Variants in PTPRQ observed in about 807,000 individuals in gnomAD.
PTPRQ encodes the protein phosphatidylinositol phosphatase PTPRQ.
PTPRQ carries 199 observed loss-of-function variants against 246.0 expected under a neutral mutation model. The observed-to-expected ratio is 0.81, with a 90% confidence interval of 0.72 to 0.91. The LOEUF (loss-of-function observed/expected upper bound fraction) is 0.91, where lower values mean the gene tolerates loss of function less well. PTPRQ is among the 40% of genes least tolerant of loss of function. The probability of loss-of-function intolerance (pLI) is 0.00; values close to 1 mark genes in which losing one functional copy is unlikely to be tolerated. For missense variants in PTPRQ, 2,624 were observed against 2,528.4 expected (o/e 1.04, Z -0.81); for synonymous variants, 869 against 853.2 (o/e 1.02, Z -0.32).
At chr12:80,549,278 A>G (rs1896397530) in intron 24 of PTPRQ, among the ~76,000 whole-genome samples, 187 bp from the exon 25 acceptor site, 1 of 152,138 alleles carries the variant, frequency 6.6e-6, no homozygotes, top group East Asian at 1.9e-4. Context: ...ACAATAGCAT[A>G]AAAAGCAAGT....
intron 26 of PTPRQ, among the ~76,000 whole-genome samples, chr12:80,597,262 G>T (rs1202497215): frequency 6.6e-6 from 1 of 151,946 alleles, no homozygotes; most frequent in Non-Finnish European, 1.5e-5. Flanking sequence ...GAAGAAAATA[G>T]CAAGATTTAT....
intron 34 of PTPRQ, among the ~76,000 whole-genome samples, chr12:80,633,333 A>T (rs1053897085): frequency 2.6e-5 from 4 of 152,214 alleles, no homozygotes; most frequent in Non-Finnish European, 4.4e-5. Flanking sequence ...GCTTCCTTAT[A>T]TGGTAGACCC....
intron 14 of PTPRQ, among the ~76,000 whole-genome samples, chr12:80,499,367 T>A (rs1465242496): frequency 1.3e-5 from 2 of 151,976 alleles, no homozygotes. Context: ...GAATCTACAT[T>A]AGTGACTTTT....
intron 35 of PTPRQ, among the ~76,000 whole-genome samples, chr12:80,648,046 A>G (rs894114787): frequency 2.0e-5 from 3 of 151,664 alleles, no homozygotes; most frequent in Non-Finnish European, 4.4e-5. Context: ...GACCATTTTC[A>G]TATTTATTAT....
At chr12:80,533,533 T>G (rs1354582602) in intron 17 of PTPRQ, among the ~76,000 whole-genome samples, 2 of 152,040 alleles carry the variant, frequency 1.3e-5, no homozygotes, top group Non-Finnish European at 2.9e-5. Flanking sequence ...ATTTTACATA[T>G]CACTATTTAG....
rs993112094 is a variant in PTPRQ, at chr12:80,678,502, T to G, written c.6739-100T>G. 163 of 1,298,870 alleles carry G rather than the reference T, an allele frequency of 1.3e-4. No individual in the cohort carries two copies. In the Admixed American group the frequency reaches 2.0e-3, roughly 16 times the overall value. The allele number at this position is 1,298,870 out of a possible 1,614,324, so 80.5% of individuals were successfully genotyped here. On this transcript the variant is annotated intron_variant, in intron 43 of 44. Coordinates refer to ENST00000644991, the MANE Select transcript of PTPRQ (RefSeq NM_001145026.2). ...TCTGTGTCTGTAACTTAGCTATTTA[T>G]TTGATGAATTCAGTACTGCTTTTAG...
chr12:80,670,598 C>T, intron 42 of PTPRQ, 106 bp downstream of exon 42: 1 of 1,376,098 alleles, frequency 7.3e-7, no homozygotes, highest in Non-Finnish European at 9.5e-7. Context: ...TTCCAGCTTG[C>T]CGTCTTCAGA....
At chr12:80,668,724 C>T (rs1258064919) in intron 39 of PTPRQ, among the ~76,000 whole-genome samples, 2 of 151,806 alleles carry the variant, frequency 1.3e-5, no homozygotes, top group Admixed American at 6.6e-5. Flanking sequence ...GACTTAAGAC[C>T]TTTATTAAGT....
intron 33 of PTPRQ, among the ~76,000 whole-genome samples, chr12:80,629,883 G>A (rs1396121016): frequency 6.6e-6 from 1 of 152,118 alleles, no homozygotes; most frequent in Non-Finnish European, 1.5e-5. Context: ...ATGGTGTCAT[G>A]AACCCCCAAA....
chr12:80,539,798 C>T lies in PTPRQ; in HGVS notation c.3008C>T (p.Thr1003Ile), dbSNP rs1565773573. The change falls in exon 20 of 45, where the codon ACC becomes ATC. Residue 1003 changes from threonine (T) to isoleucine (I), a missense_variant. Coordinates refer to ENST00000644991, the MANE Select transcript of PTPRQ (RefSeq NM_001145026.2). ...CAGAATTTTACACTCCATGAAGTAA[C>T]CAATGACTTTGACAATATGACTGTA... The part of the protein sequence containing the change: ...FMQNFTLHEV[T>I]NDFDNMTVST... 2.6e-6 allele frequency: 4 copies of T among 1,545,956 alleles called. No individual in the cohort carries two copies. The highest frequency in any genetic ancestry group is 4.0e-5 in the Admixed American group (2 of 49,994).
rs1900877752 is a variant in PTPRQ at position 80,669,017 on chromosome 12, GT to G, written c.6204del (p.Pro2069GlnfsTer30). Reference protein sequence around the residue: ...INASYISGYLCPNEFIATQGP... With the variant: ...INASYISGYLXPNEFIATQGP... ...ATTATATCCTTCTAGGGTTATTTAT[GT>G]CCAAATGAATTTATTGCTACTCAAG... On this transcript the variant is annotated frameshift_variant, in exon 40 of 45. Transcript: ENST00000644991. LOFTEE classifies it high-confidence loss of function. 1 of 1,549,472 alleles carries G rather than the reference GT, an allele frequency of 6.5e-7. No individual in the cohort carries two copies. Among genetic ancestry groups the G allele is most frequent in the Non-Finnish European group, 8.7e-7 (1 of 1,145,592 alleles).
At chr12:80,542,039 T>A (rs570799034) in intron 21 of PTPRQ, 50 bp from the exon 22 acceptor site, 41 of 1,511,502 alleles carry the variant, frequency 2.7e-5, no homozygotes, top group African/African-American at 2.0e-4. Flanking sequence ...CCTCTTTTTT[T>A]AATGCTGATT....
chr12:80,602,835 A>G (rs991355338), intron 26 of PTPRQ, among the ~76,000 whole-genome samples: 1 of 151,788 alleles, frequency 6.6e-6, no homozygotes, highest in Non-Finnish European at 1.5e-5. Flanking sequence ...TATACTGCCC[A>G]TATTTATACC....
At position 80,648,298 on chromosome 12, in the gene PTPRQ, A is replaced by C. The variant is rs187030343; in HGVS notation, c.5916-599A>C. Among the ~76,000 whole-genome samples the C allele has an allele frequency of 6.4e-4, 97 of 152,054 alleles. No homozygotes were observed. In the East Asian group the frequency reaches 0.013, roughly 21 times the overall value. Reference sequence around the variant, plus strand: ...GTTATTAATGATACGCCCCTCTCTAAGTTTGTGTATGTTGTGTAGCCTATT... The same window carrying C: ...GTTATTAATGATACGCCCCTCTCTACGTTTGTGTATGTTGTGTAGCCTATT... On this transcript the variant is annotated intron_variant, in intron 35 of 44. Transcript: ENST00000644991.
Position 80,514,402 on chromosome 12 carries a change from A to ACACACACACACACACTCT in PTPRQ, c.2678+3960_2678+3961insACACACACACACACTCTC, listed in dbSNP as rs552667526. ...CACACACACACACACACACACACAC[A>ACACACACACACACACTCT]CTCTCTCTCTCTCTCTCTGCTTTAA... On this transcript the variant is annotated intron_variant, in intron 17 of 44. Transcript: ENST00000644991. Among the ~76,000 whole-genome samples, 242 of 112,986 alleles carry ACACACACACACACACTCT rather than the reference A, an allele frequency of 2.1e-3. 1 individual carries two copies. The South Asian group carries it at 0.03, about 14-fold the overall frequency. The allele number at this position is 112,986 out of a possible 152,430, so 74.1% of individuals were successfully genotyped here.
intron 25 of PTPRQ, among the ~76,000 whole-genome samples, chr12:80,569,594 T>G (rs917000222): frequency 6.9e-6 from 1 of 145,368 alleles, no homozygotes; most frequent in African/African-American, 2.5e-5. Flanking sequence ...AAAAATTTGA[T>G]TTTTTTTTTT....
At chr12:80,479,700 G>A (rs7959135) in intron 8 of PTPRQ, among the ~76,000 whole-genome samples, 28,847 of 129,992 alleles carry the variant, frequency 0.22, 4,273 homozygotes, top group African/African-American at 0.44. Flanking sequence ...AGCAAATGGA[G>A]AACAAAAAAA....
intron 37 of PTPRQ, among the ~76,000 whole-genome samples, chr12:80,652,427 G>A (rs1900286973): frequency 6.6e-6 from 1 of 151,990 alleles, no homozygotes; most frequent in African/African-American, 2.4e-5. Context: ...TTAAACAATA[G>A]TGTGTACCTG....
chr12:80,546,632 C>A lies in PTPRQ; in HGVS notation c.3950C>A (p.Ala1317Glu). The A allele has an allele frequency of 4.5e-6, 7 of 1,551,354 alleles. No homozygotes were observed. The highest frequency in any genetic ancestry group is 5.2e-6 in the Non-Finnish European group (6 of 1,146,830). Residue 1317 changes from alanine (A) to glutamate (E), a missense_variant, in exon 24 of 45, where the codon GCG (alanine) becomes GAG (glutamate). Transcript: ENST00000644991. The part of the protein sequence containing the change: ...PVSTYSIRVS[A>E]FTKVGNGNQF... ...AGCACCTACTCTATCCGTGTATCTG[C>A]GTTCACCAAAGTTGGAAATGGCAAT... is the stretch of plus-strand genomic sequence containing the variant.
Sources: gnomAD v4.1 joint callset for allele counts (sites outside exome capture counted in the v4.1 genomes callset) on GRCh38, gnomAD v4.1.1 for gene constraint, MANE v1.5 for transcripts, NCBI Gene and HGNC (gene_info 2026-07-23, HGNC 2026-07-21) for gene names.